DPYSL2: variants seen among roughly 807,000 people sequenced by gnomAD.
DPYSL2 encodes the protein dihydropyrimidinase-related protein 2.
DPYSL2 carries 13 observed loss-of-function variants against 69.9 expected under a neutral mutation model. The observed-to-expected ratio is 0.19, with a 90% CI of 0.12 to 0.30. DPYSL2 has a LOEUF of 0.30. Ranked by LOEUF, DPYSL2 falls within the 10% of genes least tolerant of loss-of-function variation. DPYSL2 has a pLI of 1.00. For missense variants in DPYSL2, 587 were observed against 918.9 expected (o/e 0.64, Z 4.67); for synonymous variants, 326 against 359.1 (o/e 0.91, Z 1.04).
chr8:26,535,897 G>GTT (rs1261706189), intron 1 of DPYSL2, among the ~76,000 whole-genome samples: 1 of 108,654 alleles, frequency 9.2e-6, no homozygotes, highest in Non-Finnish European at 1.8e-5. Context: ...CTCTCTATGG[G>GTT]TTGTGTGTGT....
intron 1 of DPYSL2, chr8:26,576,927 C>T (rs1191591584): frequency 3.5e-6 from 1 of 283,200 alleles, no homozygotes; most frequent in African/African-American, 2.4e-5. Flanking sequence ...TGCGCCCCCA[C>T]GCACCCCTCA....
chr8:26,533,253 T>C lies in DPYSL2; in HGVS notation c.354+18574T>C, dbSNP rs1293128798. On this transcript the variant is annotated intron_variant, in intron 1 of 13. Coordinates refer to ENST00000521913, the MANE Select transcript of DPYSL2 (RefSeq NM_001197293.3). The surrounding 1 kb of genome is among the most constrained non-coding windows in gnomAD (Gnocchi z 4.8). The stretch of plus-strand genomic sequence containing the variant: ...CATTTTGTGGTTGAGCTGTAAGAGT[T>C]CTTTATATATTCTGGATACTACATC... 6.6e-6 allele frequency among the ~76,000 whole-genome samples: 1 copy of C among 152,230 alleles called. No individual in the cohort carries two copies. The highest frequency in any genetic ancestry group is 1.9e-4 in the East Asian group (1 of 5,204).
At chr8:26,584,709 T>C (rs552769800) in intron 3 of DPYSL2, among the ~76,000 whole-genome samples, 60 of 145,612 alleles carry the variant, frequency 4.1e-4, no homozygotes, top group South Asian at 1.4e-3. Context: ...AACCTCTGCC[T>C]CCCCGGTTCA....
rs1485501110 is a variant in DPYSL2, at chr8:26,626,415, A to G, written c.794-202A>G. 1.3e-5 allele frequency among the ~76,000 whole-genome samples: 2 copies of G among 151,902 alleles called. No individual in the cohort carries two copies. The highest frequency in any genetic ancestry group is 1.3e-4 in the Admixed American group (2 of 15,242). On this transcript the variant is annotated intron_variant, in intron 4 of 13. Transcript: ENST00000521913. The surrounding 1 kb of genome is among the most constrained non-coding windows in gnomAD (Gnocchi z 4.3). ...TTCCTCCCACATTCACAGGTTATTT[A>G]TATGGTACTCTGCTTCCTTTACCAT... is the stretch of plus-strand genomic sequence containing the variant.
chr8:26,655,652 C>G lies in DPYSL2; in HGVS notation c.1980C>G (p.Thr660=), dbSNP rs754473738. The G allele has an allele frequency of 2.5e-4, 395 of 1,610,542 alleles. 2 individuals are homozygous for G. In the Admixed American group the frequency reaches 6.5e-3, roughly 26 times the overall value. ...QIDDNIPRRT[T]QRIVAPPGGR... ...ATGACAACATTCCCCGCCGCACCAC[C>G]CAGCGTATCGTGGCGCCCCCCGGTG... Residue 660 remains threonine, a synonymous_variant, in exon 14 of 14, where the codon ACC becomes ACG. Transcript: ENST00000521913.
intron 1 of DPYSL2, among the ~76,000 whole-genome samples, chr8:26,525,861 AT>A (rs1234554740): frequency 6.6e-6 from 1 of 152,130 alleles, no homozygotes; most frequent in Non-Finnish European, 1.5e-5. Flanking sequence ...ACCTGATATG[AT>A]TTTTTAACCA....
At position 26,647,614 on chromosome 8, in the gene DPYSL2, A is replaced by T. The variant is rs779004354; in HGVS notation, c.1426-16A>T. 2 of 1,607,564 alleles carry T rather than the reference A, an allele frequency of 1.2e-6. No individual in the cohort carries two copies. Among genetic ancestry groups the T allele is most frequent in the Non-Finnish European group, 1.7e-6 (2 of 1,177,436 alleles). Reference sequence around the variant, plus strand: ...TGCTGTGTGCCTCCTGTGCACACCTATGCTGTCTCCCTCAGGTCACTGGGA... The same window carrying T: ...TGCTGTGTGCCTCCTGTGCACACCTTTGCTGTCTCCCTCAGGTCACTGGGA... On this transcript the variant is annotated splice_polypyrimidine_tract_variant and intron_variant, in intron 10 of 13. Transcript: ENST00000521913. This position sits in a 1 kb window ranked among gnomAD's most constrained non-coding sequence, Gnocchi z 5.1.
At chr8:26,518,041 A>G (rs563380393) in intron 1 of DPYSL2, among the ~76,000 whole-genome samples, 2 of 152,348 alleles carry the variant, frequency 1.3e-5, no homozygotes, top group African/African-American at 4.8e-5. Context: ...CCCTTCTCCC[A>G]TTCAGAATTC....
intron 3 of DPYSL2, among the ~76,000 whole-genome samples, chr8:26,616,901 A>G (rs1203135584): frequency 6.6e-6 from 1 of 151,872 alleles, no homozygotes; most frequent in Non-Finnish European, 1.5e-5. Flanking sequence ...TGTAATCCCA[A>G]GATGGGATCA....
chr8:26,596,753 G>A (rs1006497472), intron 3 of DPYSL2, among the ~76,000 whole-genome samples: 5 of 152,254 alleles, frequency 3.3e-5, no homozygotes, highest in African/African-American at 9.6e-5. Context: ...GAGCCTGCAA[G>A]TGCGAGGGCT....
chr8:26,594,289 CCT>C (rs138742839), intron 3 of DPYSL2, among the ~76,000 whole-genome samples: 8 of 150,352 alleles, frequency 5.3e-5, no homozygotes, highest in Admixed American at 6.6e-5. Context: ...AAAAGATCTC[CCT>C]CTCTCTCTCT....
chr8:26,540,168 T>A (rs773078594), intron 1 of DPYSL2, among the ~76,000 whole-genome samples: 1 of 151,954 alleles, frequency 6.6e-6, no homozygotes, highest in African/African-American at 2.4e-5. Flanking sequence ...AACAAAGAGA[T>A]AAAATAATCT....
At chr8:26,622,982 A>G (rs745315402) in intron 3 of DPYSL2, among the ~76,000 whole-genome samples, 4 of 152,142 alleles carry the variant, frequency 2.6e-5, no homozygotes, top group East Asian at 1.9e-4. Flanking sequence ...TTTTATTTCT[A>G]TTGTTGCACA....
In DPYSL2 at chr8:26,583,859, G is replaced by T; in HGVS notation, c.504G>T (p.Arg168=). 1 of 1,614,184 alleles carries T rather than the reference G, an allele frequency of 6.2e-7. No homozygotes were observed. The highest frequency in any genetic ancestry group is 2.2e-5 in the East Asian group (1 of 44,880). ...TGAAGACCATCGAGGCCCACTCCCG[G>T]ATGGTGATCCCCGGAGGAATTGACG... is the stretch of plus-strand genomic sequence containing the variant. ...GGVKTIEAHS[R]MVIPGGIDVH... The change falls in exon 3 of 14, where the codon CGG becomes CGT. Residue 168 remains arginine, a synonymous_variant. Transcript: ENST00000521913.
chr8:26,645,891 G>A (rs1803152091), intron 10 of DPYSL2, among the ~76,000 whole-genome samples: 1 of 148,800 alleles, frequency 6.7e-6, no homozygotes, highest in Non-Finnish European at 1.5e-5. Context: ...GGGGGAGACA[G>A]TTTCACTCTT....
rs116557170 is a variant in DPYSL2, at chr8:26,619,219, G to A, written c.629-4924G>A. Among the ~76,000 whole-genome samples, 984 of 152,256 alleles carry A rather than the reference G, an allele frequency of 6.5e-3. 7 individuals are homozygous for A. The highest frequency in any genetic ancestry group is 0.022 in the African/African-American group (925 of 41,526). Reference sequence around the variant, plus strand: ...CCTCAGTGGGGACTCTACTCCCTCCGGAAGTGAGTATGACATTCTGCCCTA... The same window carrying A: ...CCTCAGTGGGGACTCTACTCCCTCCAGAAGTGAGTATGACATTCTGCCCTA... On this transcript the variant is annotated intron_variant, in intron 3 of 13. Coordinates refer to ENST00000521913, the MANE Select transcript of DPYSL2 (RefSeq NM_001197293.3). This position sits in a 1 kb window ranked among gnomAD's most constrained non-coding sequence, Gnocchi z 4.8.
intron 1 of DPYSL2, chr8:26,577,277 C>T (rs960421405): frequency 5.5e-5 from 19 of 346,074 alleles, no homozygotes; most frequent in Non-Finnish European, 8.9e-5. Context: ...GAAGCAGCCG[C>T]CCTCTCCGGG....
At chr8:26,645,857 A>T (rs967975027) in intron 10 of DPYSL2, among the ~76,000 whole-genome samples, 3 of 143,586 alleles carry the variant, frequency 2.1e-5, no homozygotes, top group African/African-American at 2.6e-5. Flanking sequence ...GCCAGGACTC[A>T]CTTATAATTC....
At chr8:26,520,390 T>C (rs1447132106) in intron 1 of DPYSL2, among the ~76,000 whole-genome samples, 2 of 152,096 alleles carry the variant, frequency 1.3e-5, no homozygotes, top group African/African-American at 2.4e-5. Context: ...CACTCTAATA[T>C]ATACTGATTT....
Sources: allele counts gnomAD v4.1 joint callset (sites outside exome capture counted in the v4.1 genomes callset), GRCh38; gene constraint gnomAD v4.1.1; non-coding constraint Gnocchi (gnomAD v3.1); transcripts MANE v1.5; gene names NCBI Gene and HGNC (gene_info 2026-07-23, HGNC 2026-07-21).